PLCB1: variants seen among roughly 807,000 people sequenced by gnomAD.
PLCB1 encodes 1-phosphatidylinositol 4,5-bisphosphate phosphodiesterase beta-1.
Under a neutral mutation model 161.8 loss-of-function variants are expected in PLCB1, and 46 were observed. The observed-to-expected ratio is 0.28, with a 90% confidence interval of 0.22 to 0.36. PLCB1 has a LOEUF of 0.36. Among genes scored for constraint, PLCB1 ranks in the 10% least tolerant of loss-of-function variants. PLCB1 has a pLI of 1.00. For synonymous variants in PLCB1, 517 were observed against 503.7 expected (o/e 1.03, Z -0.35); for missense variants, 1,016 against 1,472.5 (o/e 0.69, Z 5.07).
chr20:8,222,488 T>A (rs1979465191), intron 2 of PLCB1, among the ~76,000 whole-genome samples: 1 of 152,152 alleles, frequency 6.6e-6, no homozygotes, highest in Admixed American at 6.6e-5. Flanking sequence ...ATTACTCTAG[T>A]GGCTTTCAAA....
At chr20:8,385,844 C>T (rs144792720) in intron 3 of PLCB1, among the ~76,000 whole-genome samples, 74 of 152,326 alleles carry the variant, frequency 4.9e-4, no homozygotes, top group Non-Finnish European at 9.6e-4. Flanking sequence ...CCAGCTGCCT[C>T]GTCAGTTCCG....
intron 23 of PLCB1, among the ~76,000 whole-genome samples, chr20:8,747,312 C>T (rs184593334): frequency 6.6e-5 from 10 of 152,276 alleles, no homozygotes; most frequent in Admixed American, 4.6e-4. Flanking sequence ...TTGGAAGTTA[C>T]GAAAGCTGTA....
intron 3 of PLCB1, among the ~76,000 whole-genome samples, chr20:8,537,232 G>A (rs1215349376): frequency 6.6e-6 from 1 of 152,154 alleles, no homozygotes; most frequent in African/African-American, 2.4e-5. Flanking sequence ...AGGGTCATGT[G>A]GACATCTTGG....
At chr20:8,621,990 A>G (rs1206902054) in intron 3 of PLCB1, among the ~76,000 whole-genome samples, 1 of 152,204 alleles carries the variant, frequency 6.6e-6, no homozygotes, top group Non-Finnish European at 1.5e-5. Context: ...TCATTTTTAT[A>G]GAGAACTGAA....
At chr20:8,638,892 C>A (rs1352574610) in intron 4 of PLCB1, among the ~76,000 whole-genome samples, 1 of 127,764 alleles carries the variant, frequency 7.8e-6, no homozygotes, top group Non-Finnish European at 1.7e-5. Context: ...TTGCATTTGG[C>A]CTGGAGTAAC....
chr20:8,190,980 A>G (rs924251691), intron 2 of PLCB1, among the ~76,000 whole-genome samples: 2 of 152,104 alleles, frequency 1.3e-5, no homozygotes, highest in Non-Finnish European at 2.9e-5. Context: ...AAGCTGATTA[A>G]CAGATGTAGT....
rs1442697750 is a variant in PLCB1, at chr20:8,495,543, G to A, written c.246+124093G>A. Reference sequence around the variant, plus strand: ...TTCCTGAGTAGCTGGGACTACAGGCGCCCGCCACCATGGCCGGCTAATTTT... The same window carrying A: ...TTCCTGAGTAGCTGGGACTACAGGCACCCGCCACCATGGCCGGCTAATTTT... On this transcript the variant is annotated intron_variant, in intron 3 of 31. Coordinates refer to ENST00000338037, the MANE Select transcript of PLCB1 (RefSeq NM_015192.4). 2.1e-5 allele frequency among the ~76,000 whole-genome samples: 3 copies of A among 144,870 alleles called. No individual in the cohort carries two copies. In the South Asian group the frequency reaches 6.8e-4, roughly 33 times the overall value.
intron 4 of PLCB1, among the ~76,000 whole-genome samples, chr20:8,630,279 G>C (rs1988546434): frequency 1.3e-5 from 2 of 151,880 alleles, no homozygotes; most frequent in Non-Finnish European, 2.9e-5. Context: ...TAGAGACGGG[G>C]TTTCACCATA....
intron 3 of PLCB1, among the ~76,000 whole-genome samples, chr20:8,439,799 AC>A (rs1017452308): frequency 1.3e-5 from 2 of 151,036 alleles, no homozygotes; most frequent in Admixed American, 6.6e-5. Context: ...TAGGTCGTTG[AC>A]CTTTTTATAG....
intron 3 of PLCB1, among the ~76,000 whole-genome samples, chr20:8,453,694 G>C (rs1372594616): frequency 6.6e-6 from 1 of 152,144 alleles, no homozygotes; most frequent in African/African-American, 2.4e-5. Context: ...TGAGAGTAGT[G>C]ATATTGCAGA....
chr20:8,635,007 C>A (rs1006207628), intron 4 of PLCB1, among the ~76,000 whole-genome samples: 8 of 152,156 alleles, frequency 5.3e-5, no homozygotes, highest in Non-Finnish European at 1.0e-4. Context: ...TCAGCATCAA[C>A]TCAGTTCATC....
chr20:8,163,852 A>T (rs1057048794), intron 2 of PLCB1, among the ~76,000 whole-genome samples: 1 of 152,156 alleles, frequency 6.6e-6, no homozygotes, highest in Non-Finnish European at 1.5e-5. Context: ...TCGGGCCTCT[A>T]TGGTAACATC....
intron 3 of PLCB1, among the ~76,000 whole-genome samples, chr20:8,480,662 G>A (rs1218112744): frequency 6.6e-6 from 1 of 152,180 alleles, no homozygotes; most frequent in Non-Finnish European, 1.5e-5. Context: ...TCTGACAGAG[G>A]CTGGACTAAG....
At chr20:8,655,028 A>G (rs531532948) in intron 7 of PLCB1, among the ~76,000 whole-genome samples, 1 of 152,238 alleles carries the variant, frequency 6.6e-6, no homozygotes, top group East Asian at 1.9e-4. Context: ...AAAATGAGAC[A>G]AAGAAAATCA....
intron 3 of PLCB1, among the ~76,000 whole-genome samples, chr20:8,428,217 G>T (rs1979872920): frequency 8.1e-6 from 1 of 123,488 alleles, no homozygotes; most frequent in South Asian, 2.3e-4. Flanking sequence ...GGGTAGTCAG[G>T]GTTTTCATTT....
At chr20:8,580,288 A>G (rs1437560749) in intron 3 of PLCB1, among the ~76,000 whole-genome samples, 1 of 152,216 alleles carries the variant, frequency 6.6e-6, no homozygotes, top group African/African-American at 2.4e-5. Flanking sequence ...TCCTAAGGCA[A>G]TAATATATTA....
At chr20:8,174,302 C>T (rs902162945) in intron 2 of PLCB1, among the ~76,000 whole-genome samples, 20 of 152,040 alleles carry the variant, frequency 1.3e-4, no homozygotes, top group Admixed American at 4.6e-4. Flanking sequence ...GTTTCTTATC[C>T]GGAAACATGG....
intron 3 of PLCB1, among the ~76,000 whole-genome samples, chr20:8,445,831 T>G (rs901711951): frequency 3.0e-4 from 45 of 152,290 alleles, no homozygotes; most frequent in African/African-American, 9.4e-4. Context: ...AGTTCACTCA[T>G]GATTTGGCTC....
chr20:8,847,100 C>T (rs1290357572), intron 31 of PLCB1, among the ~76,000 whole-genome samples: 4 of 152,128 alleles, frequency 2.6e-5, no homozygotes, highest in African/African-American at 9.7e-5. Flanking sequence ...TAAAAGCTAC[C>T]CAAGTGATTC....
Sources: gnomAD v4.1 joint callset for allele counts (sites outside exome capture counted in the v4.1 genomes callset) on GRCh38, gnomAD v4.1.1 for gene constraint, MANE v1.5 for transcripts, NCBI Gene and HGNC (gene_info 2026-07-23, HGNC 2026-07-21) for gene names.